Variants in CLSTN2 observed in about 807,000 individuals in gnomAD.
The protein encoded by CLSTN2 is calsyntenin-2.
Under a neutral mutation model 101.2 loss-of-function variants are expected in CLSTN2, and 48 were observed. The observed-to-expected ratio is 0.47, with a 90% CI of 0.38 to 0.60. CLSTN2 has a LOEUF of 0.60. Ranked by LOEUF, CLSTN2 falls within the 20% of genes least tolerant of loss-of-function variation. The pLI is 0.00. For missense variants in CLSTN2, 1,160 were observed against 1,238.2 expected (o/e 0.94, Z 0.95); for synonymous variants, 481 against 463.6 (o/e 1.04, Z -0.48).
chr3:140,317,840 C>A (rs1443470108), intron 2 of CLSTN2, among the ~76,000 whole-genome samples: 1 of 152,134 alleles, frequency 6.6e-6, no homozygotes, highest in Non-Finnish European at 1.5e-5. Context: ...TTTTTATAAT[C>A]AAGGCTTTTA....
In CLSTN2 at chr3:140,404,718, A is replaced by G; in HGVS notation, c.589A>G (p.Asn197Asp). ...DCSPQYSQIC[N>D]YEIVTTDVPF... ...CTCCCCACAGTACAGCCAGATCTGC[A>G]ACTATGAAATCGTCACCACAGATGT... Residue 197 changes from asparagine to aspartate, a missense_variant, in exon 4 of 17, where the codon AAC (asparagine) becomes GAC (aspartate). By Grantham distance (23) the Asn-to-Asp change is conservative. Coordinates refer to ENST00000458420, the MANE Select transcript of CLSTN2 (RefSeq NM_022131.3). The G allele has an allele frequency of 6.2e-7, 1 of 1,614,210 alleles. No homozygotes were observed. The highest frequency in any genetic ancestry group is 8.5e-7 in the Non-Finnish European group (1 of 1,180,032).
chr3:140,071,832 A>AAAATAATAAAT (rs1553795845), intron 1 of CLSTN2, among the ~76,000 whole-genome samples: 30 of 149,848 alleles, frequency 2.0e-4, no homozygotes, highest in African/African-American at 7.5e-4. Context: ...CTCCGTCTAA[A>AAAATAATAAAT]AAATAAATAA....
chr3:140,346,678 C>T (rs749631748), intron 2 of CLSTN2, among the ~76,000 whole-genome samples: 1 of 152,184 alleles, frequency 6.6e-6, no homozygotes, highest in Non-Finnish European at 1.5e-5. Context: ...TTTTCAGTCT[C>T]TTTTCACAGT....
chr3:140,359,461 A>G (rs1046826882), intron 2 of CLSTN2, among the ~76,000 whole-genome samples: 7 of 152,244 alleles, frequency 4.6e-5, no homozygotes, highest in African/African-American at 1.4e-4. Context: ...TTATGTGTAC[A>G]CACATTAAGA....
intron 1 of CLSTN2, among the ~76,000 whole-genome samples, chr3:140,011,800 C>CG (rs1185505891): frequency 7.3e-5 from 11 of 151,290 alleles, no homozygotes; most frequent in Admixed American, 5.9e-4. Flanking sequence ...TGGCAGGGGT[C>CG]GGGGGGGATT....
chr3:140,100,284 C>A (rs2008943587), intron 1 of CLSTN2, among the ~76,000 whole-genome samples: 1 of 151,670 alleles, frequency 6.6e-6, no homozygotes, highest in Non-Finnish European at 1.5e-5. Context: ...GGACATTTTT[C>A]TATTATTTCC....
chr3:140,000,110 G>A (rs1242161796), intron 1 of CLSTN2, among the ~76,000 whole-genome samples: 2 of 149,478 alleles, frequency 1.3e-5, no homozygotes, highest in African/African-American at 2.5e-5. Flanking sequence ...TACAGCAGCA[G>A]TGTGGGGCTA....
chr3:140,544,424 A>T (rs116830461), intron 9 of CLSTN2, among the ~76,000 whole-genome samples: 188 of 152,276 alleles, frequency 1.2e-3, no homozygotes, highest in African/African-American at 4.3e-3. Context: ...CCAACCCCAC[A>T]AGAAGCTATA....
intron 8 of CLSTN2, among the ~76,000 whole-genome samples, chr3:140,477,185 T>C (rs1337815213): frequency 6.6e-6 from 1 of 152,212 alleles, no homozygotes; most frequent in East Asian, 1.9e-4. Context: ...TTTCCATCCT[T>C]AATGTCTAAA....
intron 1 of CLSTN2, among the ~76,000 whole-genome samples, chr3:139,947,267 C>A (rs898787233): frequency 2.0e-5 from 3 of 152,232 alleles, no homozygotes; most frequent in African/African-American, 7.2e-5. Context: ...AAATAACCTA[C>A]TCTTGTCCTC....
chr3:140,337,637 G>A (rs967150391), intron 2 of CLSTN2, among the ~76,000 whole-genome samples: 7 of 152,312 alleles, frequency 4.6e-5, no homozygotes, highest in African/African-American at 1.2e-4. Context: ...GGAGGAAGTA[G>A]GTATTGGTAG....
intron 1 of CLSTN2, among the ~76,000 whole-genome samples, chr3:140,049,607 G>A (rs929199751): frequency 4.6e-5 from 7 of 152,158 alleles, no homozygotes; most frequent in Admixed American, 1.3e-4. Context: ...TGCATAGAGA[G>A]TGCCTAAGCT....
chr3:140,131,724 G>T (rs757831270), intron 1 of CLSTN2, among the ~76,000 whole-genome samples: 10 of 152,140 alleles, frequency 6.6e-5, no homozygotes, highest in Non-Finnish European at 1.2e-4. Flanking sequence ...TCCTGATAGT[G>T]ATGGGGAGCT....
chr3:140,096,226 A>G (rs1165770617), intron 1 of CLSTN2, among the ~76,000 whole-genome samples: 3 of 152,098 alleles, frequency 2.0e-5, no homozygotes, highest in Admixed American at 6.5e-5. Context: ...CAGCTCCCCA[A>G]ACAGCAGAGG....
intron 1 of CLSTN2, among the ~76,000 whole-genome samples, chr3:140,095,620 C>A (rs2008856892): frequency 6.6e-6 from 1 of 152,142 alleles, no homozygotes; most frequent in Non-Finnish European, 1.5e-5. Context: ...TTATTCTATT[C>A]CAACTACAAA....
chr3:140,545,403 C>A (rs1426012456), intron 9 of CLSTN2, among the ~76,000 whole-genome samples: 2 of 152,118 alleles, frequency 1.3e-5, no homozygotes, highest in African/African-American at 4.8e-5. Context: ...CCAAGAGAGC[C>A]CAGGAGAACC....
intron 1 of CLSTN2, among the ~76,000 whole-genome samples, chr3:140,062,523 C>A (rs1055528614): frequency 9.2e-5 from 14 of 152,184 alleles, no homozygotes; most frequent in African/African-American, 3.4e-4. Context: ...TGTGAGCAGA[C>A]TTCAGCAAAA....
At chr3:140,383,957 G>A (rs189693957) in intron 2 of CLSTN2, among the ~76,000 whole-genome samples, 3 of 152,262 alleles carry the variant, frequency 2.0e-5, no homozygotes, top group African/African-American at 7.2e-5. Flanking sequence ...AAATGTCAAA[G>A]CAGGGTTTGG....
chr3:140,154,376 T>C (rs915835016), intron 1 of CLSTN2, among the ~76,000 whole-genome samples: 2 of 151,672 alleles, frequency 1.3e-5, no homozygotes, highest in African/African-American at 4.8e-5. Context: ...TGAGGGAAGG[T>C]GGTAGGAGAT....
Sources: allele counts gnomAD v4.1 joint callset (sites outside exome capture counted in the v4.1 genomes callset), GRCh38; gene constraint gnomAD v4.1.1; transcripts MANE v1.5; gene names NCBI Gene and HGNC (gene_info 2026-07-23, HGNC 2026-07-21).